TAF2: variants seen among roughly 807,000 people sequenced by gnomAD.
TAF2 encodes transcription initiation factor TFIID subunit 2.
TAF2 carries 61 observed loss-of-function variants against 138.5 expected under a neutral mutation model. The ratio of observed to expected loss-of-function variants is 0.44; its 90% confidence interval spans 0.36 to 0.54. The LOEUF (loss-of-function observed/expected upper bound fraction) is 0.54, where lower values mean the gene tolerates loss of function less well. Among genes scored for constraint, TAF2 ranks in the 20% least tolerant of loss-of-function variants. The pLI, the probability that TAF2 is intolerant of heterozygous loss-of-function variation, is 0.00. For synonymous variants in TAF2, 475 were observed against 469.9 expected, an observed-to-expected ratio of 1.01 and a Z score of -0.14; for missense variants, 1,090 against 1,427.9, an observed-to-expected ratio of 0.76 and a Z score of 3.81.
At chr8:119,800,077 T>TC (rs1211697810) in intron 6 of TAF2, among the ~76,000 whole-genome samples, 5 of 152,212 alleles carry the variant, frequency 3.3e-5, no homozygotes, top group Admixed American at 3.3e-4. Flanking sequence ...GCAAAAATTT[T>TC]TCCAATTCTG....
At chr8:119,760,028 C>CT (rs1820952587) in intron 20 of TAF2, among the ~76,000 whole-genome samples, 1 of 143,682 alleles carries the variant, frequency 7.0e-6, no homozygotes, top group African/African-American at 2.9e-5. Flanking sequence ...GCTTCATTTA[C>CT]GCCCCCCCAG....
At chr8:119,789,820 T>C (rs1586441929) in intron 11 of TAF2, 74 bp from the exon 12 acceptor site, 1 of 1,412,540 alleles carries the variant, frequency 7.1e-7, no homozygotes, top group Non-Finnish European at 9.8e-7. Flanking sequence ...CACTTTGCAT[T>C]ATAACTTTAT....
chr8:119,769,713 G>C (rs1821689543), intron 18 of TAF2, among the ~76,000 whole-genome samples: 1 of 150,022 alleles, frequency 6.7e-6, no homozygotes, highest in Non-Finnish European at 1.5e-5. Flanking sequence ...GCAGAAGAAA[G>C]AATTTCAGAG....
intron 18 of TAF2, among the ~76,000 whole-genome samples, chr8:119,768,257 T>C (rs79205301): frequency 4.6e-4 from 70 of 152,304 alleles, no homozygotes; most frequent in East Asian, 7.7e-4. Flanking sequence ...AGGCTTCCCA[T>C]ACACCATCGA....
chr8:119,821,905 G>A (rs1335661483), intron 2 of TAF2, among the ~76,000 whole-genome samples: 2 of 152,062 alleles, frequency 1.3e-5, no homozygotes, highest in Non-Finnish European at 1.5e-5. Context: ...CAGGCATGGT[G>A]GCTGTAGTTC....
chr8:119,732,029 G>T lies in TAF2; in HGVS notation c.3495C>A (p.His1165Gln). Reference sequence around the variant, plus strand: ...TACTGTCATGCTTATGCTTGTGTTTGTGCTTATGTTTATGCTTCTTCTTCT... The same window carrying T: ...TACTGTCATGCTTATGCTTGTGTTTTTGCTTATGTTTATGCTTCTTCTTCT... ...KKKKKKHKHK[H>Q]KHKHKHDSKE... is the part of the protein sequence containing the mutation. Residue 1165 changes from histidine to glutamine, a missense_variant, in exon 26 of 26, where the codon CAC (histidine) becomes CAA (glutamine). His to Gln is a conservative substitution (Grantham distance 24). Around this residue, in one of 3 missense-constraint regions of TAF2, gnomAD observed 580 missense variants for 719.6 expected, o/e 0.81. Transcript: ENST00000378164. The T allele has an allele frequency of 6.2e-7, 1 of 1,614,188 alleles. No homozygotes were observed. The highest frequency in any genetic ancestry group is 8.5e-7 in the Non-Finnish European group (1 of 1,180,022).
In TAF2 at chr8:119,758,131, A is replaced by T. The variant is rs374659090; in HGVS notation, c.2710T>A (p.Tyr904Asn). The T allele has an allele frequency of 6.2e-7, 1 of 1,612,270 alleles. No individual in the cohort carries two copies. Among genetic ancestry groups the T allele is most frequent in the Non-Finnish European group, 8.5e-7 (1 of 1,179,082 alleles). The change falls in exon 21 of 26, where the codon TAT becomes AAT. Residue 904 changes from tyrosine (Y) to asparagine (N), a missense_variant. This residue lies in a region of TAF2 where 580 missense variants were observed against 719.6 expected (regional missense o/e 0.81). Transcript: ENST00000378164. The part of the protein sequence containing the change: ...VVDYTKVDRS[Y>N]EELQWLLNMI... ...TTAAGTAGCCATTGCAGTTCTTCAT[A>T]ACTTCTGTCCACTGAAAATAAAAGA...
intron 25 of TAF2, among the ~76,000 whole-genome samples, chr8:119,739,018 T>G (rs35679846): frequency 0.29 from 40,936 of 140,610 alleles, 6,804 homozygotes; most frequent in Admixed American, 0.46. Context: ...AAGTTTTTTT[T>G]TTTTTTTTTT....
At chr8:119,814,002 T>C (rs1478092661) in intron 3 of TAF2, among the ~76,000 whole-genome samples, 1 of 152,070 alleles carries the variant, frequency 6.6e-6, no homozygotes, top group African/African-American at 2.4e-5. Flanking sequence ...CATGCACATA[T>C]TGTTCCAGCT....
intron 1 of TAF2, among the ~76,000 whole-genome samples, chr8:119,831,990 C>A (rs1270385955): frequency 1.3e-5 from 2 of 152,132 alleles, no homozygotes; most frequent in South Asian, 4.2e-4. Context: ...GAAACCGAGT[C>A]TCTACTAAAA....
At position 119,778,043 on chromosome 8, in the gene TAF2, C is replaced by G; in HGVS notation, c.2340G>C (p.Lys780Asn). The change falls in exon 18 of 26, where the codon AAG becomes AAC. Residue 780 changes from lysine (K) to asparagine (N), a missense_variant. Coordinates refer to ENST00000378164, the MANE Select transcript of TAF2 (RefSeq NM_003184.4). The stretch of plus-strand genomic sequence containing the variant: ...CCTTATTTTTCCTGTTGTCATTGTA[C>G]TTGATTAAGTCTAAAATAAATGTTA... ...EVLTFILDLI[K>N]YNDNRKNKFS... The G allele has an allele frequency of 1.3e-6, 2 of 1,554,424 alleles. No individual in the cohort carries two copies. Among genetic ancestry groups the G allele is most frequent in the Non-Finnish European group, 1.8e-6 (2 of 1,130,470 alleles).
chr8:119,789,658 G>A lies in TAF2; in HGVS notation c.1502C>T (p.Ser501Phe), dbSNP rs1823280258. 3.7e-6 allele frequency: 6 copies of A among 1,613,816 alleles called. No individual in the cohort carries two copies. The highest frequency in any genetic ancestry group is 5.1e-6 in the Non-Finnish European group (6 of 1,179,926). The change falls in exon 12 of 26, where the codon TCT (serine) becomes TTT (phenylalanine). Residue 501 changes from serine to phenylalanine, a missense_variant. Ser to Phe is a radical substitution (Grantham distance 155). Coordinates refer to ENST00000378164, the MANE Select transcript of TAF2 (RefSeq NM_003184.4). ...HMWSQMLVST[S>F]GFLKSISNVS... is the part of the protein sequence containing the mutation. ...ATTTGAAATGGATTTCAAAAACCCA[G>A]ATGTGGAAACCAACATCTGACTCCA... is the stretch of plus-strand genomic sequence containing the variant.
chr8:119,744,439 C>G, intron 23 of TAF2, 46 bp from the exon 24 acceptor site: 1 of 1,527,752 alleles, frequency 6.5e-7, no homozygotes, highest in Non-Finnish European at 9.0e-7. Context: ...ACCATTACAT[C>G]ATGTTATGTT....
intron 3 of TAF2, 26 bp downstream of exon 3, chr8:119,819,320 A>G (rs1360762147): frequency 6.2e-7 from 1 of 1,606,906 alleles, no homozygotes. Context: ...TGTTAAAAAT[A>G]GTGACTTTTA....
intron 2 of TAF2, 59 bp downstream of exon 2, chr8:119,831,617 TG>T: frequency 7.9e-7 from 1 of 1,258,880 alleles, no homozygotes; most frequent in South Asian, 1.2e-5. Context: ...CTGTGAGGGG[TG>T]GATTGTTACT....
chr8:119,825,433 G>T (rs746050737), intron 2 of TAF2, among the ~76,000 whole-genome samples: 1 of 152,172 alleles, frequency 6.6e-6, no homozygotes. Flanking sequence ...GTGGACTTTT[G>T]AGTTAATGCT....
At chr8:119,764,323 G>A (rs540297003) in intron 18 of TAF2, among the ~76,000 whole-genome samples, 1 of 152,188 alleles carries the variant, frequency 6.6e-6, no homozygotes, top group South Asian at 2.1e-4. Context: ...GTATTCTGAA[G>A]TACTAAGTCA....
At position 119,788,818 on chromosome 8, in the gene TAF2, T is replaced by C. The variant is rs149772375; in HGVS notation, c.1655A>G (p.Tyr552Cys). Reference sequence around the variant, plus strand: ...GTATTTCTGAGTTCCAGGAGATGTATAGTCCTGTTTTATTTCCAGTTCCAA... The same window carrying C: ...GTATTTCTGAGTTCCAGGAGATGTACAGTCCTGTTTTATTTCCAGTTCCAA... The part of the protein sequence containing the change: ...NVLELEIKQD[Y>C]TSPGTQKYVG... Residue 552 changes from tyrosine (Y) to cysteine (C), a missense_variant, in exon 13 of 26, where the codon TAT becomes TGT. Tyr to Cys is a radical substitution (Grantham distance 194, BLOSUM62 -2). Coordinates refer to ENST00000378164, the MANE Select transcript of TAF2 (RefSeq NM_003184.4). The C allele has an allele frequency of 4.3e-6, 7 of 1,613,706 alleles. No individual in the cohort carries two copies. Among genetic ancestry groups the C allele is most frequent in the South Asian group, 2.2e-5 (2 of 91,086 alleles).
intron 3 of TAF2, among the ~76,000 whole-genome samples, chr8:119,811,508 T>TA (rs1491548399): frequency 6.6e-6 from 1 of 152,022 alleles, no homozygotes; most frequent in African/African-American, 2.4e-5. Context: ...AGGATGACTC[T>TA]AAAAATAACC....
Sources: gnomAD v4.1 joint callset for allele counts (sites outside exome capture counted in the v4.1 genomes callset) on GRCh38, gnomAD v4.1.1 for gene constraint, gnomAD v4.1.1 regional missense constraint, MANE v1.5 for transcripts, NCBI Gene and HGNC (gene_info 2026-07-23, HGNC 2026-07-21) for gene names.